PPP1R37: variants seen among roughly 807,000 people sequenced by gnomAD.
PPP1R37 encodes protein phosphatase 1 regulatory subunit 37.
PPP1R37 carries 21 observed loss-of-function variants against 61.0 expected under a neutral mutation model. The observed-to-expected ratio is 0.34, with a 90% CI of 0.24 to 0.50. PPP1R37 has a LOEUF of 0.50. PPP1R37 is among the 20% of genes least tolerant of loss of function. PPP1R37 has a pLI of 0.98. For synonymous variants in PPP1R37, 443 were observed against 433.5 expected, an observed-to-expected ratio of 1.02 and a Z score of -0.27; for missense variants, 910 against 952.7, an observed-to-expected ratio of 0.96 and a Z score of 0.59.
chr19:45,108,645 GTTT>G (rs59587397), intron 1 of PPP1R37: 20,404 of 140,068 alleles, frequency 0.15, 1,583 homozygotes, highest in Non-Finnish European at 0.17. Flanking sequence ...ATTTTTGTGG[GTTT>G]TTTTTTTTTT....
Position 45,093,238 on chromosome 19 carries a change from A to T in PPP1R37, c.-88A>T. 9.2e-7 allele frequency: 1 copy of T among 1,092,048 alleles called. No homozygotes were observed. 67.6% of individuals were successfully genotyped at this position (1,092,048 alleles called of 1,614,324 possible). ...GGCGCCTGAAGCGGCGGCGGAGCCC[A>T]TGCCCCGGGACGGCGGGCGGACCCG... On this transcript the variant is annotated 5_prime_UTR_variant, in exon 1 of 13. An upstream start codon of the reference 5' UTR is lost. Coordinates refer to ENST00000221462, the MANE Select transcript of PPP1R37 (RefSeq NM_019121.2).
intron 1 of PPP1R37, among the ~76,000 whole-genome samples, chr19:45,129,275 G>GT (rs1284077239): frequency 6.6e-6 from 1 of 152,160 alleles, no homozygotes; most frequent in Non-Finnish European, 1.5e-5. Flanking sequence ...TACAGCCCTG[G>GT]TTGGGGGGAG....
At chr19:45,129,548 C>T (rs547603990) in intron 1 of PPP1R37, among the ~76,000 whole-genome samples, 2 of 152,284 alleles carry the variant, frequency 1.3e-5, no homozygotes, top group South Asian at 2.1e-4. Flanking sequence ...CTGCCCGTCT[C>T]GGCCTCCCAA....
intron 1 of PPP1R37, among the ~76,000 whole-genome samples, chr19:45,127,974 CAAAAAAAAAA>C (rs35001139): frequency 3.2e-5 from 2 of 61,900 alleles, no homozygotes; most frequent in South Asian, 6.0e-4. Flanking sequence ...GACTCCATCT[CAAAAAAAAAA>C]AAAAAAAAAG....
intron 1 of PPP1R37, among the ~76,000 whole-genome samples, chr19:45,097,765 C>T (rs962746073): frequency 2.0e-5 from 3 of 151,914 alleles, no homozygotes; most frequent in East Asian, 1.9e-4. Context: ...GTCTCTCTCC[C>T]GCGCTGGAAT....
In PPP1R37 at chr19:45,137,822, A is replaced by G. The variant is rs1599709616; in HGVS notation, c.203-692A>G. On this transcript the variant is annotated intron_variant, in intron 1 of 12. Coordinates refer to ENST00000221462, the MANE Select transcript of PPP1R37 (RefSeq NM_019121.2). ...TGAGGATTCATTCTTTCACCCAAAA[A>G]TACAAAAATACAAAAAAAAAAAAAA... Among the ~76,000 whole-genome samples the G allele has an allele frequency of 2.7e-5, 4 of 150,190 alleles. No individual in the cohort carries two copies. The South Asian group carries it at 8.4e-4, about 32-fold the overall frequency.
rs35020667 is a variant in PPP1R37, at chr19:45,115,974, C to CAA, written c.202+22461_202+22462dup. Among the ~76,000 whole-genome samples the CAA allele has an allele frequency of 9.0e-3, 1,153 of 128,266 alleles. 13 individuals are homozygous for CAA. The highest frequency in any genetic ancestry group is 0.014 in the Non-Finnish European group (812 of 59,718). 84.1% of individuals were successfully genotyped at this position (128,266 alleles called of 152,430 possible). ...GGGTGACAAGAGTGAGACTCTGTCTCAAAAAAAAAAAAAAAGTTGTGTGTC... is the reference window on the plus strand; with the variant it reads ...GGGTGACAAGAGTGAGACTCTGTCTCAAAAAAAAAAAAAAAAAGTTGTGTGTC... On this transcript the variant is annotated intron_variant, in intron 1 of 12. Transcript: ENST00000221462.
chr19:45,135,152 G>C (rs1968523139), intron 1 of PPP1R37, among the ~76,000 whole-genome samples: 1 of 152,196 alleles, frequency 6.6e-6, no homozygotes, highest in Non-Finnish European at 1.5e-5. Flanking sequence ...GGAGGCTGAG[G>C]CAGGAGAATC....
rs1210033204 is a variant in PPP1R37, at chr19:45,093,478, C to T, written c.153C>T (p.Asp51=). Residue 51 remains aspartate (D), a synonymous_variant, in exon 1 of 13, where the codon GAC becomes GAT. Coordinates refer to ENST00000221462, the MANE Select transcript of PPP1R37 (RefSeq NM_019121.2). Reference sequence around the variant, plus strand: ...CCAAGCGCGTCACATTCCCGTCCGACGAGGATATCGTGTCTGGAGCAGTGG... The same window carrying T: ...CCAAGCGCGTCACATTCCCGTCCGATGAGGATATCGTGTCTGGAGCAGTGG... ...AAAKRVTFPS[D]EDIVSGAVEP... is the part of the protein sequence containing the mutation. 1.3e-6 allele frequency: 2 copies of T among 1,535,326 alleles called. No homozygotes were observed. Among genetic ancestry groups the T allele is most frequent in the East Asian group, 2.4e-5 (1 of 40,888 alleles).
intron 11 of PPP1R37, 53 bp from the exon 12 acceptor site, chr19:45,146,337 G>A: frequency 1.3e-6 from 2 of 1,490,296 alleles, no homozygotes; most frequent in South Asian, 1.2e-5. Flanking sequence ...CTGGGGACAG[G>A]TTGTATTTGC....
intron 1 of PPP1R37, among the ~76,000 whole-genome samples, chr19:45,132,317 T>C (rs1020071470): frequency 6.6e-6 from 1 of 150,960 alleles, no homozygotes; most frequent in Non-Finnish European, 1.5e-5. Context: ...TTTCTTTTCT[T>C]TTTTTTTTAA....
intron 1 of PPP1R37, among the ~76,000 whole-genome samples, chr19:45,113,574 A>T (rs1218582950): frequency 6.6e-6 from 1 of 152,236 alleles, no homozygotes; most frequent in Non-Finnish European, 1.5e-5. Context: ...CCAGGCATTC[A>T]GAGAGCTTTA....
At chr19:45,143,356 A>G in intron 7 of PPP1R37, 165 bp from the exon 8 acceptor site, 1 of 560,272 alleles carries the variant, frequency 1.8e-6, no homozygotes, top group Non-Finnish European at 3.2e-6. Flanking sequence ...GGGGTCACAG[A>G]TGTGTGCCCA....
At chr19:45,139,158 C>G (rs1968577428) in intron 2 of PPP1R37, among the ~76,000 whole-genome samples, 1 of 152,076 alleles carries the variant, frequency 6.6e-6, no homozygotes, top group Admixed American at 6.5e-5. Context: ...CTCAGGTGAT[C>G]TGCCCACCTC....
intron 1 of PPP1R37, 34 bp from the exon 2 acceptor site, chr19:45,138,480 G>A (rs1208476447): frequency 1.3e-6 from 2 of 1,491,054 alleles, no homozygotes; most frequent in South Asian, 2.4e-5. Context: ...TCGGGGTGTG[G>A]ACAGTCACAG....
At chr19:45,134,171 T>C (rs1001374744) in intron 1 of PPP1R37, among the ~76,000 whole-genome samples, 1 of 152,198 alleles carries the variant, frequency 6.6e-6, no homozygotes, top group Non-Finnish European at 1.5e-5. Context: ...CCTCTCTTTT[T>C]TTTTTCTGAA....
At chr19:45,117,063 T>TA (rs1172362143) in intron 1 of PPP1R37, among the ~76,000 whole-genome samples, 2 of 151,994 alleles carry the variant, frequency 1.3e-5, no homozygotes, top group Admixed American at 6.6e-5. Flanking sequence ...CAGGCACGTG[T>TA]CACCACACCC....
At chr19:45,098,534 C>T (rs1032405793) in intron 1 of PPP1R37, among the ~76,000 whole-genome samples, 5 of 152,144 alleles carry the variant, frequency 3.3e-5, no homozygotes, top group Non-Finnish European at 2.9e-5. Flanking sequence ...GGGGTTTGCC[C>T]ACTAGGAAGC....
intron 1 of PPP1R37, among the ~76,000 whole-genome samples, chr19:45,094,553 C>T (rs1055258288): frequency 2.0e-5 from 3 of 152,050 alleles, no homozygotes; most frequent in East Asian, 1.9e-4. Flanking sequence ...ATGGGGAAAC[C>T]CCGTCTCTAC....
Sources: allele counts gnomAD v4.1 joint callset (sites outside exome capture counted in the v4.1 genomes callset), GRCh38; gene constraint gnomAD v4.1.1; transcripts MANE v1.5; gene names NCBI Gene and HGNC (gene_info 2026-07-23, HGNC 2026-07-21).